MNDA: variants seen among roughly 807,000 people sequenced by gnomAD.
MNDA encodes the protein myeloid cell nuclear differentiation antigen.
Under a neutral mutation model 37.8 loss-of-function variants are expected in MNDA, and 43 were observed. The ratio of observed to expected loss-of-function variants is 1.14; its 90% CI spans 0.89 to 1.47. MNDA has a LOEUF of 1.47. Ranked by LOEUF, MNDA falls within the 40% of genes most tolerant of loss-of-function variation. The pLI is 0.00. For synonymous variants in MNDA, 181 were observed against 169.0 expected (o/e 1.07, Z -0.55); for missense variants, 536 against 476.0 (o/e 1.13, Z -1.17).
Position 158,845,777 on chromosome 1 carries a change from T to A in MNDA, c.761T>A (p.Ile254Asn), listed in dbSNP as rs536275913. 6.8e-6 allele frequency: 11 copies of A among 1,614,088 alleles called. No homozygotes were observed. In the South Asian group the frequency reaches 1.1e-4, roughly 16 times the overall value. ...TATTTCCATGTGAAAGTCTTCGACA[T>A]CAACTTGAAAGAGAAATTTGTAAGG... ...TQYFHVKVFDINLKEKFVRKK... is the reference protein window; with the variant it reads ...TQYFHVKVFDNNLKEKFVRKK... The change falls in exon 5 of 7, where the codon ATC becomes AAC. Residue 254 changes from isoleucine to asparagine, a missense_variant. Ile to Asn is a moderately radical substitution (Grantham distance 149). Transcript: ENST00000368141.
chr1:158,849,204 G>C lies in MNDA; in HGVS notation c.1191G>C (p.Lys397Asn). The C allele has an allele frequency of 2.5e-6, 4 of 1,611,632 alleles. No individual in the cohort carries two copies. The highest frequency in any genetic ancestry group is 3.4e-6 in the Non-Finnish European group (4 of 1,178,574). Residue 397 changes from lysine (K) to asparagine (N), a missense_variant, in exon 7 of 7, where the codon AAG becomes AAC. Transcript: ENST00000368141. ...SHSFIKVIKA[K>N]KNKEGPMNVN The stretch of plus-strand genomic sequence containing the variant: ...TCTCTTTAAAGGTCATCAAGGCCAA[G>C]AAAAACAAGGAAGGACCAATGAATG...
intron 1 of MNDA, among the ~76,000 whole-genome samples, chr1:158,839,887 A>T (rs944231871): frequency 4.6e-5 from 7 of 152,172 alleles, no homozygotes; most frequent in Non-Finnish European, 8.8e-5. Context: ...CTTGTCTGCA[A>T]TCTTGCTAAT....
intron 1 of MNDA, among the ~76,000 whole-genome samples, 156 bp downstream of exon 1, chr1:158,831,713 T>C (rs1039801133): frequency 2.0e-5 from 3 of 152,176 alleles, no homozygotes; most frequent in East Asian, 3.8e-4. Context: ...AGGTAGCAAA[T>C]GGATATCTTT....
At chr1:158,846,794 G>A (rs1257421552) in intron 5 of MNDA, among the ~76,000 whole-genome samples, 1 of 152,050 alleles carries the variant, frequency 6.6e-6, no homozygotes, top group Non-Finnish European at 1.5e-5. Flanking sequence ...CTACATACAT[G>A]TCTTTCAATA....
intron 5 of MNDA, among the ~76,000 whole-genome samples, chr1:158,846,843 C>T (rs954185223): frequency 1.3e-5 from 2 of 152,156 alleles, no homozygotes; most frequent in East Asian, 1.9e-4. Flanking sequence ...CTCACACTCT[C>T]TTTAAGAGAT....
At position 158,847,739 on chromosome 1, in the gene MNDA, C is replaced by A; in HGVS notation, c.999C>A (p.His333Gln). 1.2e-6 allele frequency: 2 copies of A among 1,612,094 alleles called. No individual in the cohort carries two copies. Among genetic ancestry groups the A allele is most frequent in the Non-Finnish European group, 8.5e-7 (1 of 1,178,894 alleles). ...GLFMLQKKSVHKKNTIYEIQD... is the reference protein window; with the variant it reads ...GLFMLQKKSVQKKNTIYEIQD... ...ATCTTCTTTTGCAGAAAAGCGTACA[C>A]AAGAAGAACACAATTTATGAAATAC... The change falls in exon 6 of 7, where the codon CAC becomes CAA. Residue 333 changes from histidine (H) to glutamine (Q), a missense_variant. Transcript: ENST00000368141.
chr1:158,842,192 AT>A lies in MNDA; in HGVS notation c.42del (p.Phe14LeufsTer20). Reference sequence around the variant, plus strand: ...ACAAGAAAATTCTTTTGCTGAAAGGATTTGAGCTCATGGATGATTATCATTT... The same window carrying A: ...ACAAGAAAATTCTTTTGCTGAAAGGATTGAGCTCATGGATGATTATCATTT... Reference protein sequence around the residue: ...EYKKILLLKGFELMDDYHFTS... With the variant: ...EYKKILLLKGXELMDDYHFTS... On this transcript the variant is annotated frameshift_variant, in exon 2 of 7. Coordinates refer to ENST00000368141, the MANE Select transcript of MNDA (RefSeq NM_002432.3). LOFTEE classifies it high-confidence loss of function. 6.2e-7 allele frequency: 1 copy of A among 1,613,732 alleles called. No individual in the cohort carries two copies. Among genetic ancestry groups the A allele is most frequent in the Non-Finnish European group, 8.5e-7 (1 of 1,179,836 alleles).
chr1:158,844,149 ATT>A, intron 4 of MNDA, 27 bp downstream of exon 4: 2 of 1,460,800 alleles, frequency 1.4e-6, no homozygotes, highest in South Asian at 1.4e-5. Context: ...CCTCTTCTCC[ATT>A]TTTTTTTAAC....
At chr1:158,833,540 TA>T (rs1341203253) in intron 1 of MNDA, among the ~76,000 whole-genome samples, 4 of 152,216 alleles carry the variant, frequency 2.6e-5, no homozygotes, top group Admixed American at 6.5e-5. Context: ...CCCATAAATT[TA>T]AAAACTCTAA....
intron 1 of MNDA, among the ~76,000 whole-genome samples, chr1:158,836,804 C>T (rs984650394): frequency 5.3e-5 from 8 of 151,270 alleles, no homozygotes; most frequent in Non-Finnish European, 3.0e-5. Context: ...GGTGTAAAGT[C>T]AGATTATTGA....
At chr1:158,834,955 A>G (rs1159627425) in intron 1 of MNDA, among the ~76,000 whole-genome samples, 1 of 152,184 alleles carries the variant, frequency 6.6e-6, no homozygotes, top group Admixed American at 6.5e-5. Context: ...TATGCTATCT[A>G]TCATATTCCA....
At chr1:158,843,473 A>C (rs1437619606) in intron 3 of MNDA, 58 bp downstream of exon 3, 2 of 1,481,946 alleles carry the variant, frequency 1.3e-6, no homozygotes, top group Non-Finnish European at 1.8e-6. Flanking sequence ...CTGCTATGGC[A>C]CGTGGCTCTT....
intron 5 of MNDA, among the ~76,000 whole-genome samples, chr1:158,846,284 G>A (rs746663702): frequency 6.6e-6 from 1 of 152,160 alleles, no homozygotes; most frequent in Non-Finnish European, 1.5e-5. Context: ...CCAAATCAAC[G>A]GGAGCAAGCT....
intron 3 of MNDA, 71 bp from the exon 4 acceptor site, chr1:158,843,884 G>GA (rs1213406273): frequency 1.6e-5 from 22 of 1,384,058 alleles, no homozygotes; most frequent in African/African-American, 4.3e-5. Flanking sequence ...ATGTTGTAAT[G>GA]AAAAAATGAA....
chr1:158,834,085 A>G (rs758237127), intron 1 of MNDA, among the ~76,000 whole-genome samples: 5 of 152,008 alleles, frequency 3.3e-5, no homozygotes, highest in Admixed American at 6.6e-5. Context: ...TTGTGCATGT[A>G]TGTTTTTAAT....
At chr1:158,833,899 T>G (rs1004862636) in intron 1 of MNDA, among the ~76,000 whole-genome samples, 2 of 152,236 alleles carry the variant, frequency 1.3e-5, no homozygotes, top group Non-Finnish European at 2.9e-5. Flanking sequence ...ATGGTAATGT[T>G]ATTTTTAATT....
intron 1 of MNDA, among the ~76,000 whole-genome samples, chr1:158,837,572 T>C (rs1658944419): frequency 6.6e-6 from 1 of 151,844 alleles, no homozygotes; most frequent in Non-Finnish European, 1.5e-5. Context: ...ATTCCTTCAC[T>C]TTCTATCTTT....
chr1:158,845,908 A>G lies in MNDA; in HGVS notation c.892A>G (p.Arg298Gly). 3 of 1,614,190 alleles carry G rather than the reference A, an allele frequency of 1.9e-6. No individual in the cohort carries two copies. The highest frequency in any genetic ancestry group is 1.7e-6 in the Non-Finnish European group (2 of 1,180,016). ...TAATCAAAATTTTGAGGTCCCAAAC[A>G]GAATTATCGAAATAGCAAATAAAAC... is the stretch of plus-strand genomic sequence containing the variant. ...DFNQNFEVPN[R>G]IIEIANKTPK... The change falls in exon 5 of 7, where the codon AGA becomes GGA. Residue 298 changes from arginine to glycine, a missense_variant. Transcript: ENST00000368141.
In MNDA at chr1:158,835,332, T is replaced by A. The variant is rs140247984; in HGVS notation, c.-21+3775T>A. Among the ~76,000 whole-genome samples, 1,075 of 152,270 alleles carry A rather than the reference T, an allele frequency of 7.1e-3. 4 individuals carry two copies. The highest frequency in any genetic ancestry group is 0.027 in the Middle Eastern group (8 of 294). The stretch of plus-strand genomic sequence containing the variant: ...GTATAATTTACCACCTTGATTAAGT[T>A]TATTCCTAAGTATTTTACTACTTTA... On this transcript the variant is annotated intron_variant, in intron 1 of 6. Transcript: ENST00000368141.
Sources: gnomAD v4.1 joint callset for allele counts (sites outside exome capture counted in the v4.1 genomes callset) on GRCh38, gnomAD v4.1.1 for gene constraint, MANE v1.5 for transcripts, NCBI Gene and HGNC (gene_info 2026-07-23, HGNC 2026-07-21) for gene names.